DCLK1: variants seen among roughly 807,000 people sequenced by gnomAD.
DCLK1 encodes serine/threonine-protein kinase DCLK1.
DCLK1 carries 16 observed loss-of-function variants against 86.2 expected under a neutral mutation model. The observed-to-expected ratio is 0.19, with a 90% CI of 0.13 to 0.28. DCLK1 has a LOEUF of 0.28. Among genes scored for constraint, DCLK1 ranks in the 10% least tolerant of loss-of-function variants. The pLI, the probability that DCLK1 is intolerant of heterozygous loss-of-function variation, is 1.00. For synonymous variants in DCLK1, 369 were observed against 370.5 expected (o/e 1.00, Z 0.05); for missense variants, 590 against 940.2 (o/e 0.63, Z 4.87).
At chr13:35,865,250 A>T (rs954298685) in intron 5 of DCLK1, among the ~76,000 whole-genome samples, 1 of 152,194 alleles carries the variant, frequency 6.6e-6, no homozygotes, top group Non-Finnish European at 1.5e-5. Flanking sequence ...TGTCTCAAAA[A>T]TAAAATTAAT....
At chr13:36,065,313 C>T (rs766859207) in intron 3 of DCLK1, among the ~76,000 whole-genome samples, 4 of 152,124 alleles carry the variant, frequency 2.6e-5, no homozygotes, top group Non-Finnish European at 4.4e-5. Flanking sequence ...AACATGTGGG[C>T]ACAGAATAAG....
chr13:35,828,447 TA>T (rs964301137), intron 8 of DCLK1, 140 bp from the exon 9 acceptor site: 72 of 689,004 alleles, frequency 1.0e-4, no homozygotes, highest in African/African-American at 2.5e-4. Flanking sequence ...TTTCCTTTTT[TA>T]AAAAAAAACA....
chr13:36,037,750 C>G (rs990387772), intron 3 of DCLK1, among the ~76,000 whole-genome samples: 7 of 152,132 alleles, frequency 4.6e-5, no homozygotes, highest in Admixed American at 1.3e-4. Flanking sequence ...TCCCAAAGTG[C>G]TGGGATTACA....
At chr13:35,910,045 T>A (rs1246224723) in intron 4 of DCLK1, among the ~76,000 whole-genome samples, 2 of 152,124 alleles carry the variant, frequency 1.3e-5, no homozygotes, top group Non-Finnish European at 2.9e-5. Flanking sequence ...AGGTGCTATA[T>A]CCTGAGGTTA....
At chr13:35,926,097 C>G (rs982134685) in intron 4 of DCLK1, among the ~76,000 whole-genome samples, 4 of 150,006 alleles carry the variant, frequency 2.7e-5, no homozygotes, top group Non-Finnish European at 4.4e-5. Flanking sequence ...CTCACTTTGT[C>G]GCCCAGGCTG....
At chr13:35,881,627 C>A (rs1327454324) in intron 4 of DCLK1, among the ~76,000 whole-genome samples, 1 of 152,194 alleles carries the variant, frequency 6.6e-6, no homozygotes, top group Non-Finnish European at 1.5e-5. Flanking sequence ...GGCACTATGG[C>A]TCGGTACATT....
At chr13:35,778,947 C>G (rs2086474814) in intron 16 of DCLK1, among the ~76,000 whole-genome samples, 1 of 152,162 alleles carries the variant, frequency 6.6e-6, no homozygotes, top group Admixed American at 6.5e-5. Flanking sequence ...TCACATCTAC[C>G]TCTTGGTTCA....
intron 3 of DCLK1, among the ~76,000 whole-genome samples, chr13:36,007,149 G>GAC (rs762851365): frequency 2.0e-5 from 3 of 152,142 alleles, no homozygotes; most frequent in Non-Finnish European, 2.9e-5. Context: ...GTCATAGATT[G>GAC]ACTGCTCACC....
intron 3 of DCLK1, among the ~76,000 whole-genome samples, chr13:35,949,355 T>C (rs1345267546): frequency 6.6e-6 from 1 of 152,232 alleles, no homozygotes; most frequent in Non-Finnish European, 1.5e-5. Flanking sequence ...TGCAGACAGA[T>C]ACTGTTCCTC....
intron 3 of DCLK1, among the ~76,000 whole-genome samples, chr13:36,074,968 A>G (rs1262495849): frequency 6.6e-6 from 1 of 152,264 alleles, no homozygotes. Context: ...AGGTAACTCT[A>G]TTCTTACCAT....
chr13:36,022,486 AC>A (rs1881824010), intron 3 of DCLK1, among the ~76,000 whole-genome samples: 1 of 152,066 alleles, frequency 6.6e-6, no homozygotes, highest in South Asian at 2.1e-4. Context: ...TTCTTTAAAA[AC>A]ATCAACAAAA....
At chr13:35,797,578 T>C (rs2086837586) in intron 15 of DCLK1, among the ~76,000 whole-genome samples, 1 of 152,282 alleles carries the variant, frequency 6.6e-6, no homozygotes, top group African/African-American at 2.4e-5. Context: ...GAGAGGCTTT[T>C]GACTTCATAA....
chr13:36,103,802 G>T (rs1190068039), intron 3 of DCLK1, among the ~76,000 whole-genome samples: 1 of 152,042 alleles, frequency 6.6e-6, no homozygotes, highest in African/African-American at 2.4e-5. Context: ...CAATAATTAG[G>T]CCAGATGCTT....
chr13:36,014,987 CCTCTCTCTCTCTCTCTTTCT>C (rs1359719987), intron 3 of DCLK1, among the ~76,000 whole-genome samples: 1 of 100,850 alleles, frequency 9.9e-6, no homozygotes, highest in African/African-American at 4.0e-5. Context: ...ATTCTCTCTC[CCTCTCTCTCTCTCTCTTTCT>C]CTCTCTCTCT....
chr13:35,913,751 G>A (rs1593727031), intron 4 of DCLK1, among the ~76,000 whole-genome samples: 1 of 152,106 alleles, frequency 6.6e-6, no homozygotes, highest in African/African-American at 2.4e-5. Context: ...GGGTGTGTAA[G>A]TGTTTCAGAA....
intron 4 of DCLK1, among the ~76,000 whole-genome samples, chr13:35,907,624 C>T (rs994472425): frequency 3.3e-5 from 5 of 151,994 alleles, no homozygotes; most frequent in African/African-American, 1.2e-4. Context: ...GCAACAGGAG[C>T]GTATGGGGAA....
chr13:35,774,102 T>C lies in DCLK1; in HGVS notation c.*433A>G, dbSNP rs2086379383. The C allele has an allele frequency of 6.4e-6, 1 of 156,614 alleles. No individual in the cohort carries two copies. Among genetic ancestry groups the C allele is most frequent in the South Asian group, 2.0e-4 (1 of 5,122 alleles). The allele number at this position is 156,614 out of a possible 1,614,324, so 9.7% of individuals were successfully genotyped here. ...CTTCTTTTCTGGACATTTCAGCATC[T>C]AACAACACCCCTTGATCTGCAGTAA... is the stretch of plus-strand genomic sequence containing the variant. On this transcript the variant is annotated 3_prime_UTR_variant, in exon 17 of 17. Coordinates refer to ENST00000360631, the MANE Select transcript of DCLK1 (RefSeq NM_001330071.2).
intron 1 of DCLK1, among the ~76,000 whole-genome samples, chr13:36,128,394 G>A (rs1449511133): frequency 1.3e-5 from 2 of 152,170 alleles, no homozygotes; most frequent in Non-Finnish European, 2.9e-5. Flanking sequence ...TAACTCCAAA[G>A]CTGGTGTTTT....
intron 3 of DCLK1, among the ~76,000 whole-genome samples, chr13:36,061,733 G>A (rs1883554921): frequency 6.6e-6 from 1 of 152,118 alleles, no homozygotes; most frequent in African/African-American, 2.4e-5. Context: ...ATATAATTTG[G>A]CTCAACTTAG....
Sources: allele counts gnomAD v4.1 joint callset (sites outside exome capture counted in the v4.1 genomes callset), GRCh38; gene constraint gnomAD v4.1.1; transcripts MANE v1.5; gene names NCBI Gene and HGNC (gene_info 2026-07-23, HGNC 2026-07-21).